Variants in EVPLL observed in about 807,000 individuals in gnomAD.
The protein encoded by EVPLL is envoplakin like.
A neutral mutation model predicts 46.2 loss-of-function variants in EVPLL; 39 were observed. The observed-to-expected ratio is 0.84, with a 90% CI of 0.65 to 1.10. The LOEUF (loss-of-function observed/expected upper bound fraction) is 1.10. EVPLL is among the 50% of genes least tolerant of loss of function. The pLI, the probability that EVPLL is intolerant of heterozygous loss-of-function variation, is 0.00. For synonymous variants in EVPLL, 156 were observed against 165.8 expected (o/e 0.94, Z 0.46); for missense variants, 385 against 412.6 (o/e 0.93, Z 0.58).
At chr17:18,386,884 T>C (rs1428980489) in intron 9 of EVPLL, among the ~76,000 whole-genome samples, 2 of 137,058 alleles carry the variant, frequency 1.5e-5, no homozygotes, top group Non-Finnish European at 3.1e-5. Context: ...GTTGACATGA[T>C]TTTTGGTTAA....
At position 18,381,664 on chromosome 17, in the gene EVPLL, A is replaced by G. The variant is rs768859417; in HGVS notation, c.280A>G (p.Lys94Glu). ...TGCGGAGTACTGTGCCCTGTACGAG[A>G]AGATGGTGCTGCCGCCCCGACGTGG... ...ECAEYCALYE[K>E]MVLPPRRGIQ... is the part of the protein sequence containing the mutation. The change falls in exon 4 of 11, where the codon AAG (lysine) becomes GAG (glutamate). Residue 94 changes from lysine to glutamate, a missense_variant. Physicochemically the swap from Lys to Glu is moderately conservative, Grantham distance 56 (BLOSUM62 1). Coordinates refer to ENST00000399134, the MANE Select transcript of EVPLL (RefSeq NM_001145127.2). This position sits in a 1 kb window ranked among gnomAD's most constrained non-coding sequence, Gnocchi z 4.2. 1.1e-5 allele frequency: 17 copies of G among 1,614,038 alleles called. No homozygotes were observed. In the African/African-American group the frequency reaches 2.3e-4, roughly 22 times the overall value.
chr17:18,382,499 C>T lies in EVPLL; in HGVS notation c.347-14C>T, dbSNP rs753279598. 9 of 1,551,432 alleles carry T rather than the reference C, an allele frequency of 5.8e-6. No homozygotes were observed. Among genetic ancestry groups the T allele is most frequent in the South Asian group, 1.2e-5 (1 of 84,046 alleles). The stretch of plus-strand genomic sequence containing the variant: ...CCTGGTCCTGTGGTGACTGAGCCGC[C>T]GGCTCTCCTGCAGAAGCTGGTCTGC... On this transcript the variant is annotated splice_polypyrimidine_tract_variant and intron_variant, in intron 4 of 10. Transcript: ENST00000399134.
intron 9 of EVPLL, among the ~76,000 whole-genome samples, chr17:18,385,843 A>G (rs1987747672): frequency 6.6e-6 from 1 of 152,212 alleles, no homozygotes; most frequent in Non-Finnish European, 1.5e-5. Context: ...ACATATGATA[A>G]TATACACTGA....
In EVPLL at chr17:18,389,307, A is replaced by AGCTG. The variant is rs1987873332; in HGVS notation, c.*493_*496dup. ...CCGGTGCTGGGGCTGTCTATCTGCA[A>AGCTG]GCTGGAGGTGTTGAGAGCAGGAAAA... On this transcript the variant is annotated 3_prime_UTR_variant, in exon 11 of 11. Transcript: ENST00000399134. The AGCTG allele has an allele frequency of 1.5e-5, 2 of 137,274 alleles. No individual in the cohort carries two copies. The highest frequency in any genetic ancestry group is 2.8e-5 in the African/African-American group (1 of 35,742). The allele number at this position is 137,274 out of a possible 1,614,324, so 8.5% of individuals were successfully genotyped here.
chr17:18,382,573 G>C lies in EVPLL; in HGVS notation c.407G>C (p.Gly136Ala). ...GGCGGAGCTGGAGGAACAGATCGCG[G>C]AGCTCAACATCGTGCAGAAGGAGAT... Reference protein sequence around the residue: ...GHGGAGGTDRGAQHRAEGDQR... With the variant: ...GHGGAGGTDRAAQHRAEGDQR... The change falls in exon 5 of 11, where the codon GGA (glycine) becomes GCA (alanine). Residue 136 changes from glycine to alanine, a missense_variant. Gly to Ala is a moderately conservative substitution (Grantham distance 60). Coordinates refer to ENST00000399134, the MANE Select transcript of EVPLL (RefSeq NM_001145127.2). 6.4e-7 allele frequency: 1 copy of C among 1,551,838 alleles called. No homozygotes were observed. Among genetic ancestry groups the C allele is most frequent in the Non-Finnish European group, 8.7e-7 (1 of 1,147,040 alleles).
intron 9 of EVPLL, among the ~76,000 whole-genome samples, chr17:18,387,561 C>T (rs1987808714): frequency 6.7e-6 from 1 of 148,940 alleles, no homozygotes; most frequent in African/African-American, 2.5e-5. Flanking sequence ...AGCCCCAAAG[C>T]AGCCCCAGAC....
rs541768085 is a variant in EVPLL at position 18,388,864 on chromosome 17, C to A, written c.*48C>A. The A allele has an allele frequency of 6.7e-6, 1 of 149,802 alleles. No homozygotes were observed. Among genetic ancestry groups the A allele is most frequent in the Non-Finnish European group, 1.5e-5 (1 of 67,350 alleles). The allele number at this position is 149,802 out of a possible 1,614,324, so 9.3% of individuals were successfully genotyped here. A position where few individuals can be genotyped will look rare whatever the true frequency, so the allele number is the denominator to read the frequency against. ...CCCTTTCTCCTTTTTCAGCTCTTGCCGCACGTGCAGAGAGAGAGGAACTTC... is the reference window on the plus strand; with the variant it reads ...CCCTTTCTCCTTTTTCAGCTCTTGCAGCACGTGCAGAGAGAGAGGAACTTC... On this transcript the variant is annotated 3_prime_UTR_variant, in exon 11 of 11. Coordinates refer to ENST00000399134, the MANE Select transcript of EVPLL (RefSeq NM_001145127.2).
At chr17:18,384,008 T>A (rs1269721436) in intron 9 of EVPLL, among the ~76,000 whole-genome samples, 1 of 152,008 alleles carries the variant, frequency 6.6e-6, no homozygotes, top group Non-Finnish European at 1.5e-5. Context: ...TGGTTGCCAC[T>A]CGGTCCCAGA....
chr17:18,389,122 C>T lies in EVPLL; in HGVS notation c.*306C>T, dbSNP rs1987867214. On this transcript the variant is annotated 3_prime_UTR_variant, in exon 11 of 11. Transcript: ENST00000399134. ...GCAGAGAAGAGGTTGCGAGCATGGC[C>T]CCAGCCAGCAGCTCCCACGCTGCCC... 7.3e-6 allele frequency: 1 copy of T among 137,214 alleles called. No homozygotes were observed. Among genetic ancestry groups the T allele is most frequent in the African/African-American group, 2.8e-5 (1 of 36,132 alleles). 8.5% of individuals were successfully genotyped at this position (137,214 alleles called of 1,614,324 possible). A position where few individuals can be genotyped will look rare whatever the true frequency, so the allele number is the denominator to read the frequency against.
chr17:18,388,192 C>T (rs1165154306), intron 9 of EVPLL, 27 bp from the exon 10 acceptor site: 4 of 1,344,074 alleles, frequency 3.0e-6, no homozygotes, highest in South Asian at 2.5e-5. Flanking sequence ...TCTCCCCACC[C>T]ATCTTTTGTT....
chr17:18,386,800 C>CA (rs1364416400), intron 9 of EVPLL, among the ~76,000 whole-genome samples: 3 of 151,974 alleles, frequency 2.0e-5, no homozygotes, highest in African/African-American at 7.3e-5. Flanking sequence ...CTGGAACAGC[C>CA]GGGGTGTTAG....
At chr17:18,386,702 G>A (rs939468815) in intron 9 of EVPLL, among the ~76,000 whole-genome samples, 4 of 152,040 alleles carry the variant, frequency 2.6e-5, no homozygotes, top group East Asian at 1.9e-4. Context: ...AGAATGTTAC[G>A]GCTTGTGTGA....
chr17:18,386,730 A>C (rs1277885754), intron 9 of EVPLL, among the ~76,000 whole-genome samples: 1 of 152,012 alleles, frequency 6.6e-6, no homozygotes, highest in Non-Finnish European at 1.5e-5. Context: ...GCAGATTTCT[A>C]TTCCTTCCAA....
chr17:18,387,600 G>A (rs1433782494), intron 9 of EVPLL, among the ~76,000 whole-genome samples: 1 of 151,218 alleles, frequency 6.6e-6, no homozygotes, highest in Non-Finnish European at 1.5e-5. Flanking sequence ...AGGAACTGTG[G>A]CTCCAATAAA....
At chr17:18,383,895 C>T (rs150040526) in intron 9 of EVPLL, among the ~76,000 whole-genome samples, 2,569 of 152,232 alleles carry the variant, frequency 0.017, 36 homozygotes, top group Middle Eastern at 0.027. Flanking sequence ...ATCGCTTGAA[C>T]CCAGGAGGCG....
At chr17:18,383,612 C>T (rs760834407) in intron 9 of EVPLL, 25 bp downstream of exon 9, 1 of 958,732 alleles carries the variant, frequency 1.0e-6, no homozygotes, top group South Asian at 1.5e-5. Context: ...AGCGGCAGGG[C>T]GGCAGGGCGG....
rs781564786 is a variant in EVPLL, at chr17:18,381,720, A to G, written c.336A>G (p.Gly112=). 2 of 1,614,102 alleles carry G rather than the reference A, an allele frequency of 1.2e-6. No individual in the cohort carries two copies. The highest frequency in any genetic ancestry group is 1.7e-6 in the Non-Finnish European group (2 of 1,180,006). The change falls in exon 4 of 11, where the codon GGA becomes GGG. Residue 112 remains glycine (G), a synonymous_variant. Coordinates refer to ENST00000399134, the MANE Select transcript of EVPLL (RefSeq NM_001145127.2). This position sits in a 1 kb window ranked among gnomAD's most constrained non-coding sequence, Gnocchi z 4.2. ...GIQGRLGTRA[G]AETEAGLRRP... is the part of the protein sequence containing the mutation. ...AAGGTCGACTGGGCACACGTGCTGG[A>G]GCAGAAACAGGTCAGGAGCTCAAAG...
chr17:18,388,156 C>A lies in EVPLL; in HGVS notation c.877-63C>A, dbSNP rs586214. 8 of 949,766 alleles carry A rather than the reference C, an allele frequency of 8.4e-6. No individual in the cohort carries two copies. The African/African-American group carries it at 8.7e-5, about 10-fold the overall frequency. 58.8% of individuals were successfully genotyped at this position (949,766 alleles called of 1,614,324 possible). A position where few individuals can be genotyped will look rare whatever the true frequency, so the allele number is the denominator to read the frequency against. On this transcript the variant is annotated intron_variant, in intron 9 of 10. Coordinates refer to ENST00000399134, the MANE Select transcript of EVPLL (RefSeq NM_001145127.2). Reference sequence around the variant, plus strand: ...TCAAATAATACCCATAGTGTAGGACCCTTACAACGTTACACTCCCAACTCT... The same window carrying A: ...TCAAATAATACCCATAGTGTAGGACACTTACAACGTTACACTCCCAACTCT...
At chr17:18,382,042 G>A (rs1987596407) in intron 4 of EVPLL, 1 of 434,842 alleles carries the variant, frequency 2.3e-6, no homozygotes, top group African/African-American at 2.0e-5. Context: ...GGGGATTTCT[G>A]GCCAGGTGGG....
Sources: gnomAD v4.1 joint callset for allele counts (sites outside exome capture counted in the v4.1 genomes callset) on GRCh38, gnomAD v4.1.1 for gene constraint, Gnocchi (gnomAD v3.1) non-coding constraint, MANE v1.5 for transcripts, NCBI Gene and HGNC (gene_info 2026-07-23, HGNC 2026-07-21) for gene names.